The following SETD5 variants were observed in gnomAD, a reference collection of about 807,000 sequenced individuals.
SETD5 encodes the protein histone-lysine N-methyltransferase SETD5.
SETD5 carries 44 observed loss-of-function variants against 153.3 expected under a neutral mutation model. That is an observed-to-expected ratio of 0.29 (90% CI 0.23 to 0.37). SETD5 has a LOEUF of 0.37. Ranked by LOEUF, SETD5 falls within the 10% of genes least tolerant of loss-of-function variation. The pLI is 1.00. For missense variants in SETD5, 1,544 were observed against 1,768.0 expected (o/e 0.87, Z 2.27); for synonymous variants, 716 against 645.2 (o/e 1.11, Z -1.66).
intron 14 of SETD5, 76 bp from the exon 15 acceptor site, chr3:9,447,610 C>A: frequency 6.8e-7 from 1 of 1,472,762 alleles, no homozygotes; most frequent in Non-Finnish European, 9.3e-7. Flanking sequence ...ATTCTGAATG[C>A]TTAAAGTGAA....
At chr3:9,471,339 G>C (rs1417313173) in intron 19 of SETD5, among the ~76,000 whole-genome samples, 1 of 152,212 alleles carries the variant, frequency 6.6e-6, no homozygotes, top group Non-Finnish European at 1.5e-5. Flanking sequence ...CACACAGCTA[G>C]TAAATGGAAG....
intron 1 of SETD5, among the ~76,000 whole-genome samples, chr3:9,419,389 A>G (rs1471931784): frequency 7.9e-5 from 12 of 152,308 alleles, no homozygotes; most frequent in East Asian, 1.9e-4. Flanking sequence ...ATTGTCTTAC[A>G]TAGCACCAAT....
At chr3:9,459,900 T>A (rs1009971149) in intron 17 of SETD5, among the ~76,000 whole-genome samples, 1 of 152,108 alleles carries the variant, frequency 6.6e-6, no homozygotes, top group Non-Finnish European at 1.5e-5. Context: ...CATACTATGA[T>A]CTTTTAATAT....
intron 19 of SETD5, 33 bp downstream of exon 19, chr3:9,470,962 C>A: frequency 8.4e-7 from 1 of 1,192,482 alleles, no homozygotes; most frequent in South Asian, 1.5e-5. Context: ...GCGAACTTTT[C>A]AAGAATGTTA....
At chr3:9,442,055 C>T in intron 9 of SETD5, 73 bp from the exon 10 acceptor site, 1 of 996,274 alleles carries the variant, frequency 1.0e-6, no homozygotes. Flanking sequence ...TCAGCATATG[C>T]TTCATATTTG....
chr3:9,416,093 A>G (rs1260172404), intron 1 of SETD5, among the ~76,000 whole-genome samples: 1 of 152,050 alleles, frequency 6.6e-6, no homozygotes, highest in Non-Finnish European at 1.5e-5. Context: ...TGCATCCAAA[A>G]TATTTTTGGT....
chr3:9,432,428 A>C (rs967233289), intron 3 of SETD5: 3 of 317,904 alleles, frequency 9.4e-6, no homozygotes, highest in Non-Finnish European at 9.1e-6. Context: ...TATATATTGT[A>C]TATCTTTAAG....
chr3:9,417,108 A>G (rs2037578032), intron 1 of SETD5, among the ~76,000 whole-genome samples: 2 of 152,224 alleles, frequency 1.3e-5, no homozygotes, highest in Admixed American at 1.3e-4. Context: ...TAGATTTCAG[A>G]TAATGCAATG....
At chr3:9,420,477 C>G (rs1277651699) in intron 1 of SETD5, among the ~76,000 whole-genome samples, 1 of 151,968 alleles carries the variant, frequency 6.6e-6, no homozygotes, top group Non-Finnish European at 1.5e-5. Context: ...TTGTGCCGAG[C>G]TCAGTAGCTC....
intron 16 of SETD5, among the ~76,000 whole-genome samples, chr3:9,450,425 C>T (rs917962582): frequency 1.3e-5 from 2 of 152,122 alleles, no homozygotes; most frequent in Non-Finnish European, 2.9e-5. Context: ...CTGTTTAAGT[C>T]ATTGCTTTAT....
intron 17 of SETD5, among the ~76,000 whole-genome samples, chr3:9,456,370 A>C (rs1008354666): frequency 6.6e-6 from 1 of 151,394 alleles, no homozygotes; most frequent in Non-Finnish European, 1.5e-5. Context: ...GCTATTTGGG[A>C]GGCTGAGGCA....
At chr3:9,408,849 CTG>C (rs1039887108) in intron 1 of SETD5, among the ~76,000 whole-genome samples, 4 of 151,954 alleles carry the variant, frequency 2.6e-5, no homozygotes, top group African/African-American at 7.3e-5. Context: ...GAAACTAAAA[CTG>C]AGAAAAATTT....
intron 1 of SETD5, among the ~76,000 whole-genome samples, chr3:9,417,549 G>A (rs1226563846): frequency 1.3e-5 from 2 of 150,378 alleles, no homozygotes; most frequent in Non-Finnish European, 2.9e-5. Context: ...GCAGTGGCGT[G>A]ATCTCCACTC....
At position 9,475,804 on chromosome 3, in the gene SETD5, A is replaced by G. The variant is rs1456304736; in HGVS notation, c.4042A>G (p.Thr1348Ala). The G allele has an allele frequency of 3.1e-6, 5 of 1,613,772 alleles. No individual in the cohort carries two copies. The highest frequency in any genetic ancestry group is 1.3e-5 in the African/African-American group (1 of 74,870). Residue 1348 changes from threonine (T) to alanine (A), a missense_variant, in exon 23 of 23, where the codon ACC becomes GCC. Transcript: ENST00000402198. ...CTGCCCTTCTAGTGCTGCTAGCCCT[A>G]CCCTGCAGGGACCCTCAGACTCGCC... ...RSCPSSAASPTLQGPSDSPTS... is the reference protein window; with the variant it reads ...RSCPSSAASPALQGPSDSPTS...
At chr3:9,459,563 G>GA (rs1437112664) in intron 17 of SETD5, among the ~76,000 whole-genome samples, 1 of 151,380 alleles carries the variant, frequency 6.6e-6, no homozygotes, top group Non-Finnish European at 1.5e-5. Flanking sequence ...GAGGTCAGGA[G>GA]ATCCAGACCA....
intron 1 of SETD5, among the ~76,000 whole-genome samples, chr3:9,412,387 GTTTTTTTTT>G (rs370566998): frequency 1.5e-4 from 13 of 89,542 alleles, no homozygotes; most frequent in African/African-American, 3.5e-4. Context: ...ACAGTTTTGG[GTTTTTTTTT>G]TTTTTTTTTT....
Position 9,434,898 on chromosome 3 carries a change from GT to G in SETD5, c.388+18del, listed in dbSNP as rs1178539248. 6.2e-7 allele frequency: 1 copy of G among 1,611,062 alleles called. No individual in the cohort carries two copies. Among genetic ancestry groups the G allele is most frequent in the Non-Finnish European group, 8.5e-7 (1 of 1,178,720 alleles). On this transcript the variant is annotated intron_variant, in intron 6 of 22. Coordinates refer to ENST00000402198, the MANE Select transcript of SETD5 (RefSeq NM_001080517.3). This position sits in a 1 kb window ranked among gnomAD's most constrained non-coding sequence, Gnocchi z 5.6. Reference sequence around the variant, plus strand: ...AACATATCAGGTGAGCGGAAGATGGGTTAGGTCCACAATTTGACATAAAAAT... The same window carrying G: ...AACATATCAGGTGAGCGGAAGATGGGTAGGTCCACAATTTGACATAAAAAT...
At position 9,470,722 on chromosome 3, in the gene SETD5, A is replaced by C; in HGVS notation, c.2988A>C (p.Ala996=). 6.2e-7 allele frequency: 1 copy of C among 1,614,064 alleles called. No individual in the cohort carries two copies. Among genetic ancestry groups the C allele is most frequent in the East Asian group, 2.2e-5 (1 of 44,882 alleles). ...CCCCTTTGAATGCTATGCCTCGAGCAGATGGACTGTATCGAGGATCTCCTC... is the reference window on the plus strand; with the variant it reads ...CCCCTTTGAATGCTATGCCTCGAGCCGATGGACTGTATCGAGGATCTCCTC... ...AYSPLNAMPR[A]DGLYRGSPLV... is the part of the protein sequence containing the mutation. Residue 996 remains alanine, a synonymous_variant, in exon 19 of 23, where the codon GCA becomes GCC. Coordinates refer to ENST00000402198, the MANE Select transcript of SETD5 (RefSeq NM_001080517.3).
intron 17 of SETD5, 140 bp downstream of exon 17, chr3:9,454,008 AAG>A: frequency 2.0e-6 from 2 of 994,060 alleles, no homozygotes; most frequent in South Asian, 2.6e-5. Context: ...TTTACAGAGG[AAG>A]AGAGAGATCT....
Sources: allele counts gnomAD v4.1 joint callset (sites outside exome capture counted in the v4.1 genomes callset), GRCh38; gene constraint gnomAD v4.1.1; non-coding constraint Gnocchi (gnomAD v3.1); transcripts MANE v1.5; gene names NCBI Gene and HGNC (gene_info 2026-07-23, HGNC 2026-07-21).